Variants in KMT2C observed in about 807,000 individuals in gnomAD.
KMT2C encodes lysine methyltransferase 2C, also known as histone-lysine N-methyltransferase 2C.
Under a neutral mutation model 507.9 loss-of-function variants are expected in KMT2C, and 88 were observed. The ratio of observed to expected loss-of-function variants is 0.17; its 90% CI spans 0.15 to 0.21. The LOEUF (loss-of-function observed/expected upper bound fraction) is 0.21. Ranked by LOEUF, KMT2C falls within the 10% of genes least tolerant of loss-of-function variation. KMT2C has a pLI of 1.00. For synonymous variants in KMT2C, 2,049 were observed against 2,080.8 expected, an observed-to-expected ratio of 0.98 and a Z score of 0.42; for missense variants, 4,954 against 5,957.8, an observed-to-expected ratio of 0.83 and a Z score of 5.55.
At chr7:152,325,058 A>T (rs1264090135) in intron 3 of KMT2C, among the ~76,000 whole-genome samples, 1 of 152,010 alleles carries the variant, frequency 6.6e-6, no homozygotes, top group African/African-American at 2.4e-5. Flanking sequence ...TATATGCTTT[A>T]GAAATATTTT....
chr7:152,156,263 A>G lies in KMT2C; in HGVS notation c.11754T>C (p.Asn3918=), dbSNP rs754579150. 3 of 1,614,078 alleles carry G rather than the reference A, an allele frequency of 1.9e-6. No individual in the cohort carries two copies. The highest frequency in any genetic ancestry group is 2.5e-6 in the Non-Finnish European group (3 of 1,180,038). ...CAAGTTCTTCAGTTGTTGCAAAACC[A>G]TTGGCCATCTTCTGACAAGCCATAG... is the stretch of plus-strand genomic sequence containing the variant. ...PPPMACQKMA[N]GFATTEELAG... The change falls in exon 45 of 59, where the codon AAT becomes AAC. Residue 3918 remains asparagine, a synonymous_variant. Transcript: ENST00000262189.
In KMT2C at chr7:152,136,541, A is replaced by G. The variant is rs186891530; in HGVS notation, c.*291T>C. 3 of 343,426 alleles carry G rather than the reference A, an allele frequency of 8.7e-6. No individual in the cohort carries two copies. The highest frequency in any genetic ancestry group is 1.6e-5 in the Non-Finnish European group (3 of 187,132). The allele number at this position is 343,426 out of a possible 1,614,324, so 21.3% of individuals were successfully genotyped here. A position where few individuals can be genotyped will look rare whatever the true frequency, so the allele number is the denominator to read the frequency against. ...TGAAACCCACCCACAAGGGAAAAAC[A>G]AAACAAAAAACAAACAAAAAAAAAA... On this transcript the variant is annotated 3_prime_UTR_variant, in exon 59 of 59. Transcript: ENST00000262189.
intron 31 of KMT2C, among the ~76,000 whole-genome samples, chr7:152,193,545 C>G (rs1438457886): frequency 1.3e-5 from 2 of 152,144 alleles, no homozygotes; most frequent in Non-Finnish European, 2.9e-5. Context: ...CATAATTACC[C>G]AAACAGGTAT....
In KMT2C at chr7:152,148,883, G is replaced by A; in HGVS notation, c.13044C>T (p.Leu4348=). 6.2e-7 allele frequency: 1 copy of A among 1,614,018 alleles called. No individual in the cohort carries two copies. The highest frequency in any genetic ancestry group is 8.5e-7 in the Non-Finnish European group (1 of 1,180,006). ...VHGGFEDCRP[L]NKKWRGMKWK... is the part of the protein sequence containing the mutation. Reference sequence around the variant, plus strand: ...ATTTCATTCCTCTCCATTTTTTATTGAGCGGCCTGCAATCTTCAAACCCAC... The same window carrying A: ...ATTTCATTCCTCTCCATTTTTTATTAAGCGGCCTGCAATCTTCAAACCCAC... The change falls in exon 52 of 59, where the codon CTC becomes CTT. Residue 4348 remains leucine, a synonymous_variant. Coordinates refer to ENST00000262189, the MANE Select transcript of KMT2C (RefSeq NM_170606.3). The surrounding 1 kb of genome is among the most constrained non-coding windows in gnomAD (Gnocchi z 7.1).
chr7:152,311,804 A>T lies in KMT2C; in HGVS notation c.733T>A (p.Ser245Thr), dbSNP rs369584883. ...DAIDIQALFDSTGTCWAHHRC... is the reference protein window; with the variant it reads ...DAIDIQALFDTTGTCWAHHRC... The stretch of plus-strand genomic sequence containing the variant: ...ATTGAAAACATGCCCATACCTGTAG[A>T]ATCAAATAAGGCTTGGATATCAATG... Residue 245 changes from serine to threonine, a missense_variant, in exon 5 of 59, where the codon TCT (serine) becomes ACT (threonine). Ser to Thr is a moderately conservative substitution (Grantham distance 58). This residue lies in a region of KMT2C where 233 missense variants were observed against 263.6 expected (regional missense o/e 0.88). Coordinates refer to ENST00000262189, the MANE Select transcript of KMT2C (RefSeq NM_170606.3). 1.9e-6 allele frequency: 3 copies of T among 1,606,560 alleles called. No individual in the cohort carries two copies. The African/African-American group carries it at 4.0e-5, about 21-fold the overall frequency.
intron 27 of KMT2C, among the ~76,000 whole-genome samples, chr7:152,199,026 G>A (rs1281537394): frequency 6.6e-6 from 1 of 152,128 alleles, no homozygotes; most frequent in Non-Finnish European, 1.5e-5. Context: ...ATTGCCCTCA[G>A]CAAAGTGTAA....
rs2089796644 is a variant in KMT2C, at chr7:152,135,420, A to G, written c.*1412T>C. The G allele has an allele frequency of 4.6e-6, 1 of 218,152 alleles. No individual in the cohort carries two copies. The highest frequency in any genetic ancestry group is 5.8e-5 in the Admixed American group (1 of 17,290). 13.5% of individuals were successfully genotyped at this position (218,152 alleles called of 1,614,324 possible). A position where few individuals can be genotyped will look rare whatever the true frequency, so the allele number is the denominator to read the frequency against. On this transcript the variant is annotated 3_prime_UTR_variant, in exon 59 of 59. Transcript: ENST00000262189. ...AGTGTTTTTTTTATTAAAGAAATGT[A>G]AACAAACAGTTCATACAAACACATT...
chr7:152,187,648 C>T, intron 32 of KMT2C, 67 bp downstream of exon 32: 1 of 1,541,056 alleles, frequency 6.5e-7, no homozygotes, highest in Middle Eastern at 1.7e-4. Context: ...TTTAAGCAGA[C>T]TAATTTATAT....
At chr7:152,204,239 A>T (rs2094230194) in intron 25 of KMT2C, among the ~76,000 whole-genome samples, 2 of 152,120 alleles carry the variant, frequency 1.3e-5, no homozygotes, top group African/African-American at 4.8e-5. Flanking sequence ...TGAAGGTTGC[A>T]GTGAGCTGAG....
chr7:152,270,533 AC>A (rs1244448697), intron 7 of KMT2C, among the ~76,000 whole-genome samples: 2 of 152,102 alleles, frequency 1.3e-5, no homozygotes, highest in Admixed American at 1.3e-4. Flanking sequence ...TGTCTCTACT[AC>A]CCACCTAGTA....
At chr7:152,342,911 C>T (rs1297420935) in intron 2 of KMT2C, among the ~76,000 whole-genome samples, 3 of 152,176 alleles carry the variant, frequency 2.0e-5, no homozygotes, top group Non-Finnish European at 2.9e-5. Context: ...CCTAAGAGAA[C>T]TATCTAACTT....
intron 3 of KMT2C, among the ~76,000 whole-genome samples, chr7:152,326,165 G>T (rs1384163881): frequency 6.6e-6 from 1 of 151,862 alleles, no homozygotes; most frequent in Non-Finnish European, 1.5e-5. Context: ...CTTCTTCATG[G>T]GTCCTTTGGC....
intron 1 of KMT2C, among the ~76,000 whole-genome samples, chr7:152,415,006 C>T (rs1007439314): frequency 2.0e-5 from 3 of 151,844 alleles, no homozygotes; most frequent in African/African-American, 7.3e-5. Context: ...ATACCACATG[C>T]AGCTAATTTT....
chr7:152,158,650 G>C (rs928400152), intron 44 of KMT2C, among the ~76,000 whole-genome samples: 3 of 152,052 alleles, frequency 2.0e-5, no homozygotes, highest in African/African-American at 4.8e-5. Flanking sequence ...CAAGTAGCTG[G>C]AATTACAGGC....
At chr7:152,267,336 T>G (rs2095874324) in intron 7 of KMT2C, among the ~76,000 whole-genome samples, 1 of 152,196 alleles carries the variant, frequency 6.6e-6, no homozygotes, top group African/African-American at 2.4e-5. Context: ...TCTCAACTGC[T>G]CTAAAGTGAA....
At position 152,249,881 on chromosome 7, in the gene KMT2C, A is replaced by G. The variant is rs368556586; in HGVS notation, c.1808T>C (p.Ile603Thr). The G allele has an allele frequency of 7.6e-6, 12 of 1,573,008 alleles. No homozygotes were observed. Among genetic ancestry groups the G allele is most frequent in the Non-Finnish European group, 1.0e-5 (12 of 1,143,114 alleles). The change falls in exon 13 of 59, where the codon ATT (isoleucine) becomes ACT (threonine). Residue 603 changes from isoleucine to threonine, a missense_variant. Physicochemically the swap from Ile to Thr is moderately conservative, Grantham distance 89 (BLOSUM62 -1). Coordinates refer to ENST00000262189, the MANE Select transcript of KMT2C (RefSeq NM_170606.3). ...AATATGAACATACTGCTTACCAGCA[A>G]TAAGAAGACTATCTGTGTCAAGACT... Reference protein sequence around the residue: ...SESLDTDSLLIAVSSQHTVNT... With the variant: ...SESLDTDSLLTAVSSQHTVNT...
At chr7:152,416,314 G>A (rs1385768820) in intron 1 of KMT2C, among the ~76,000 whole-genome samples, 1 of 152,060 alleles carries the variant, frequency 6.6e-6, no homozygotes, top group Admixed American at 6.5e-5. Context: ...GGGAGGCCGA[G>A]GCGGGCAGAT....
At chr7:152,149,917 T>TG (rs1264675317) in intron 51 of KMT2C, among the ~76,000 whole-genome samples, 1 of 151,674 alleles carries the variant, frequency 6.6e-6, no homozygotes, top group Non-Finnish European at 1.5e-5. Context: ...AACTATCTGG[T>TG]GAAAAAAAAA....
intron 2 of KMT2C, among the ~76,000 whole-genome samples, chr7:152,349,641 G>C (rs1004497861): frequency 6.6e-6 from 1 of 151,948 alleles, no homozygotes; most frequent in African/African-American, 2.4e-5. Context: ...AGGAGGGAGG[G>C]AGCAAGGAGG....
Sources: allele counts gnomAD v4.1 joint callset (sites outside exome capture counted in the v4.1 genomes callset), GRCh38; gene constraint gnomAD v4.1.1; regional missense constraint gnomAD v4.1.1; non-coding constraint Gnocchi (gnomAD v3.1); transcripts MANE v1.5; gene names NCBI Gene and HGNC (gene_info 2026-07-23, HGNC 2026-07-21).